PPP1R42: variants seen among roughly 807,000 people sequenced by gnomAD.
The protein encoded by PPP1R42 is leucine rich repeat containing 67.
In PPP1R42, 34 loss-of-function variants were observed where a neutral mutation model predicts 31.0. That is an observed-to-expected ratio of 1.10 (90% CI 0.83 to 1.46). PPP1R42 has a LOEUF of 1.46. Among genes scored for constraint, PPP1R42 ranks in the 40% most tolerant of loss-of-function variants. The pLI, the probability that PPP1R42 is intolerant of heterozygous loss-of-function variation, is 0.00. For synonymous variants in PPP1R42, 103 were observed against 109.8 expected (o/e 0.94, Z 0.39); for missense variants, 268 against 303.0 (o/e 0.88, Z 0.86).
At chr8:66,985,435 A>G in intron 6 of PPP1R42, 1 of 800,104 alleles carries the variant, frequency 1.2e-6, no homozygotes, top group South Asian at 1.5e-5. Context: ...TGTTGCATCT[A>G]CAATGCACCC....
rs1815092075 is a variant in PPP1R42 at position 66,988,428 on chromosome 8, G to A, written c.642C>T (p.Asp214=). The A allele has an allele frequency of 6.3e-7, 1 of 1,597,412 alleles. No individual in the cohort carries two copies. Among genetic ancestry groups the A allele is most frequent in the Non-Finnish European group, 8.5e-7 (1 of 1,169,608 alleles). ...NPVCLKPKYR[D]RLILVSKSLE... is the part of the protein sequence containing the mutation. Reference sequence around the variant, plus strand: ...GTGATTTGGACACCAATATCAGTCTGTCCCTGTATTTTGGTTTGAGACAAA... The same window carrying A: ...GTGATTTGGACACCAATATCAGTCTATCCCTGTATTTTGGTTTGAGACAAA... Residue 214 remains aspartate, a synonymous_variant, in exon 6 of 8, where the codon GAC becomes GAT. Coordinates refer to ENST00000685739, the MANE Select transcript of PPP1R42 (RefSeq NM_001364910.1).
At chr8:66,986,740 A>C (rs1815029726) in intron 6 of PPP1R42, among the ~76,000 whole-genome samples, 1 of 152,260 alleles carries the variant, frequency 6.6e-6, no homozygotes, top group Non-Finnish European at 1.5e-5. Flanking sequence ...GCGCAAAAGT[A>C]AACTGCTAGA....
intron 1 of PPP1R42, among the ~76,000 whole-genome samples, chr8:67,019,591 C>T (rs879762943): frequency 6.6e-6 from 1 of 151,812 alleles, no homozygotes; most frequent in Admixed American, 6.6e-5. Context: ...AAAAGGCCCT[C>T]GAGGAATATC....
chr8:66,980,254 G>T (rs1371837407), intron 7 of PPP1R42, among the ~76,000 whole-genome samples: 1 of 151,850 alleles, frequency 6.6e-6, no homozygotes, highest in African/African-American at 2.4e-5. Flanking sequence ...TTCAGATGGG[G>T]TCTTGCTCTG....
chr8:66,998,529 A>G (rs543356934), intron 5 of PPP1R42, among the ~76,000 whole-genome samples: 1 of 152,316 alleles, frequency 6.6e-6, no homozygotes, highest in Admixed American at 6.5e-5. Flanking sequence ...CTTTTCAAGC[A>G]ATGTCATTTG....
intron 5 of PPP1R42, among the ~76,000 whole-genome samples, chr8:67,010,406 G>A (rs1815807448): frequency 6.6e-6 from 1 of 152,160 alleles, no homozygotes; most frequent in African/African-American, 2.4e-5. Flanking sequence ...AGGCTTAAGG[G>A]ACAAGAAATC....
At chr8:67,012,881 A>T in intron 4 of PPP1R42, 77 bp downstream of exon 4, 1 of 1,371,940 alleles carries the variant, frequency 7.3e-7, no homozygotes, top group Non-Finnish European at 9.8e-7. Context: ...GTCCAAATAT[A>T]CCTTCACCAC....
chr8:66,992,222 C>G (rs1815208441), intron 5 of PPP1R42, among the ~76,000 whole-genome samples: 1 of 152,022 alleles, frequency 6.6e-6, no homozygotes, highest in African/African-American at 2.4e-5. Context: ...TACAGAAATC[C>G]CCAATGTATG....
At chr8:67,009,668 T>C (rs1815787087) in intron 5 of PPP1R42, among the ~76,000 whole-genome samples, 1 of 152,236 alleles carries the variant, frequency 6.6e-6, no homozygotes, top group African/African-American at 2.4e-5. Flanking sequence ...AATTGAGTTG[T>C]GCTTCCTAAG....
At chr8:66,996,983 C>G (rs1260612066) in intron 5 of PPP1R42, among the ~76,000 whole-genome samples, 1 of 152,104 alleles carries the variant, frequency 6.6e-6, no homozygotes, top group African/African-American at 2.4e-5. Context: ...GAAACCCTGT[C>G]TCTACCAAAA....
At chr8:66,981,122 A>G (rs768243687) in intron 7 of PPP1R42, among the ~76,000 whole-genome samples, 5 of 151,826 alleles carry the variant, frequency 3.3e-5, no homozygotes, top group Non-Finnish European at 7.4e-5. Context: ...GATTACAGGC[A>G]TGAGCCACCG....
chr8:67,018,606 G>A (rs1816093050), intron 1 of PPP1R42, among the ~76,000 whole-genome samples: 1 of 150,054 alleles, frequency 6.7e-6, no homozygotes, highest in Non-Finnish European at 1.5e-5. Context: ...TCCGTCTCCT[G>A]GGTTCAAACA....
chr8:66,970,902 CTGT>C, intron 7 of PPP1R42: 1 of 1,049,214 alleles, frequency 9.5e-7, no homozygotes, highest in Non-Finnish European at 1.4e-6. Context: ...TGGATGGCCT[CTGT>C]TCCTCTTTGT....
intron 5 of PPP1R42, among the ~76,000 whole-genome samples, chr8:67,006,869 C>T (rs756533766): frequency 6.6e-6 from 1 of 151,338 alleles, no homozygotes; most frequent in Non-Finnish European, 1.5e-5. Flanking sequence ...GCCTCAGCCT[C>T]CCGAGTAGCT....
chr8:66,970,717 C>T (rs528437315), intron 7 of PPP1R42: 9 of 438,366 alleles, frequency 2.1e-5, no homozygotes, highest in African/African-American at 4.1e-5. Context: ...TGGGACTTTT[C>T]GGAGTCTCCT....
intron 5 of PPP1R42, among the ~76,000 whole-genome samples, chr8:67,003,389 CTTTTT>C (rs5892069): frequency 3.0e-4 from 10 of 32,940 alleles, no homozygotes; most frequent in Non-Finnish European, 4.9e-4. Context: ...TTTCATGCTT[CTTTTT>C]TTTTTTTTTT....
chr8:67,026,960 G>A (rs1449619271), intron 1 of PPP1R42: 1 of 149,742 alleles, frequency 6.7e-6, no homozygotes, highest in African/African-American at 2.5e-5. Context: ...GAGTTCAGTG[G>A]TGCGATTTCG....
chr8:66,972,000 T>C (rs1814550771), intron 7 of PPP1R42, among the ~76,000 whole-genome samples: 1 of 152,266 alleles, frequency 6.6e-6, no homozygotes, highest in Non-Finnish European at 1.5e-5. Context: ...AAAGTTCATC[T>C]TAACTCTTCT....
intron 5 of PPP1R42, among the ~76,000 whole-genome samples, chr8:66,998,559 T>C (rs1004157758): frequency 6.6e-6 from 1 of 152,226 alleles, no homozygotes; most frequent in South Asian, 2.1e-4. Context: ...TTGGCCTTAT[T>C]GCACTGGCTA....
Sources: allele counts gnomAD v4.1 joint callset (sites outside exome capture counted in the v4.1 genomes callset), GRCh38; gene constraint gnomAD v4.1.1; transcripts MANE v1.5; gene names NCBI Gene and HGNC (gene_info 2026-07-23, HGNC 2026-07-21).